Variants in MSI2 observed in about 807,000 individuals in gnomAD.
MSI2 encodes the protein RNA-binding protein Musashi homolog 2.
In MSI2, 17 loss-of-function variants were observed where a neutral mutation model predicts 45.6. That is an observed-to-expected ratio of 0.37 (90% CI 0.26 to 0.56). The LOEUF (loss-of-function observed/expected upper bound fraction) is 0.56, where lower values mean the gene tolerates loss of function less well. Among genes scored for constraint, MSI2 ranks in the 20% least tolerant of loss-of-function variants. MSI2 has a pLI of 0.77. For synonymous variants in MSI2, 156 were observed against 158.2 expected, an observed-to-expected ratio of 0.99 and a Z score of 0.11; for missense variants, 293 against 444.2, an observed-to-expected ratio of 0.66 and a Z score of 3.06.
chr17:57,632,476 C>T (rs912024897), intron 10 of MSI2: 28 of 1,065,982 alleles, frequency 2.6e-5, no homozygotes, highest in Non-Finnish European at 3.2e-5. Context: ...TGCCACATGA[C>T]AGGCACGGTG....
At position 57,280,204 on chromosome 17, in the gene MSI2, G is replaced by T. The variant is rs993901011; in HGVS notation, c.312+18012G>T. Among the ~76,000 whole-genome samples, 1 of 152,114 alleles carries T rather than the reference G, an allele frequency of 6.6e-6. No homozygotes were observed. Among genetic ancestry groups the T allele is most frequent in the African/African-American group, 2.4e-5 (1 of 41,414 alleles). ...GCGAGGTCACACTTGCGTTGGCGGGGATAAAAATTCTTATCTTAGGAGGGT... is the reference window on the plus strand; with the variant it reads ...GCGAGGTCACACTTGCGTTGGCGGGTATAAAAATTCTTATCTTAGGAGGGT... On this transcript the variant is annotated intron_variant, in intron 5 of 13. Transcript: ENST00000284073. The surrounding 1 kb of genome is among the most constrained non-coding windows in gnomAD (Gnocchi z 4.2).
chr17:57,442,042 T>C (rs1411898869), intron 6 of MSI2, among the ~76,000 whole-genome samples: 2 of 40,532 alleles, frequency 4.9e-5, no homozygotes, highest in Non-Finnish European at 8.5e-5. Context: ...ACACAGCTGA[T>C]TTTTTTTTTT....
At chr17:57,282,100 A>G (rs1053595331) in intron 5 of MSI2, among the ~76,000 whole-genome samples, 1 of 152,092 alleles carries the variant, frequency 6.6e-6, no homozygotes, top group African/African-American at 2.4e-5. Context: ...GTTTCAGACT[A>G]TGTTGGTGTA....
intron 6 of MSI2, among the ~76,000 whole-genome samples, chr17:57,460,692 G>A (rs2085209108): frequency 6.6e-6 from 1 of 152,132 alleles, no homozygotes; most frequent in African/African-American, 2.4e-5. Flanking sequence ...TAGGGTGGAG[G>A]TGGGCAGGGG....
chr17:57,670,981 C>T (rs1416521941), intron 11 of MSI2, among the ~76,000 whole-genome samples: 1 of 152,114 alleles, frequency 6.6e-6, no homozygotes, highest in Non-Finnish European at 1.5e-5. Flanking sequence ...CCCAAGGCAC[C>T]TGACTGTAAG....
At chr17:57,639,504 C>T (rs542165186) in intron 10 of MSI2, among the ~76,000 whole-genome samples, 23 of 152,382 alleles carry the variant, frequency 1.5e-4, no homozygotes, top group South Asian at 1.0e-3. Context: ...GCTGACCCCA[C>T]CTGTGCCATA....
intron 10 of MSI2, among the ~76,000 whole-genome samples, chr17:57,641,376 C>T (rs78116954): frequency 0.022 from 3,349 of 152,034 alleles, 66 homozygotes; most frequent in Non-Finnish European, 0.028. Flanking sequence ...CCTGCTGTGG[C>T]GGATTCATTG....
chr17:57,511,891 T>C (rs2086363674), intron 6 of MSI2, among the ~76,000 whole-genome samples: 1 of 152,224 alleles, frequency 6.6e-6, no homozygotes, highest in Non-Finnish European at 1.5e-5. Context: ...CTGTGCTTTC[T>C]GCAGTTTCCC....
chr17:57,451,337 C>A (rs2085015533), intron 6 of MSI2, among the ~76,000 whole-genome samples: 1 of 152,182 alleles, frequency 6.6e-6, no homozygotes, highest in Non-Finnish European at 1.5e-5. Flanking sequence ...CCACCCCCTC[C>A]TTTGTCCTGA....
At chr17:57,261,575 A>T (rs1907312089) in intron 4 of MSI2, among the ~76,000 whole-genome samples, 1 of 152,160 alleles carries the variant, frequency 6.6e-6, no homozygotes, top group Admixed American at 6.5e-5. Context: ...TACTTTTGCT[A>T]AAATGAATTA....
At chr17:57,620,124 C>T (rs969363404) in intron 9 of MSI2, among the ~76,000 whole-genome samples, 3 of 152,162 alleles carry the variant, frequency 2.0e-5, no homozygotes, top group Non-Finnish European at 1.5e-5. Flanking sequence ...CAAGGGAGGC[C>T]GTGTGGTCCA....
At chr17:57,478,953 C>T (rs1447284647) in intron 6 of MSI2, among the ~76,000 whole-genome samples, 1 of 152,120 alleles carries the variant, frequency 6.6e-6, no homozygotes, top group African/African-American at 2.4e-5. Context: ...TGTGCTAATG[C>T]CTTCCTATGC....
intron 6 of MSI2, among the ~76,000 whole-genome samples, chr17:57,443,729 A>T (rs2084844595): frequency 6.6e-6 from 1 of 152,118 alleles, no homozygotes; most frequent in African/African-American, 2.4e-5. Context: ...GTCACTCACT[A>T]GCTGTGTCCT....
chr17:57,599,037 A>C (rs887525923), intron 8 of MSI2, among the ~76,000 whole-genome samples: 3 of 152,242 alleles, frequency 2.0e-5, no homozygotes, highest in Admixed American at 6.5e-5. Context: ...TGCCTTGTTT[A>C]TCCTAGCCAG....
downstream of MSI2, among the ~76,000 whole-genome samples, chr17:57,686,836 G>C (rs1598527047): frequency 6.6e-6 from 1 of 152,276 alleles, no homozygotes; most frequent in East Asian, 1.9e-4. Flanking sequence ...CTTAGAACTA[G>C]ATGTATTTAA....
chr17:57,416,835 G>C (rs774391103), intron 6 of MSI2, among the ~76,000 whole-genome samples: 1 of 152,200 alleles, frequency 6.6e-6, no homozygotes, highest in African/African-American at 2.4e-5. Context: ...GAGGAAGAAG[G>C]TCTCTTATCA....
At chr17:57,297,819 G>A (rs1339899952) in intron 5 of MSI2, among the ~76,000 whole-genome samples, 4 of 152,240 alleles carry the variant, frequency 2.6e-5, no homozygotes, top group East Asian at 1.9e-4. Flanking sequence ...AGTAGATTCC[G>A]TCTGAAGAAA....
At chr17:57,436,888 C>A (rs1038409337) in intron 6 of MSI2, among the ~76,000 whole-genome samples, 2 of 152,168 alleles carry the variant, frequency 1.3e-5, no homozygotes, top group Admixed American at 1.3e-4. Flanking sequence ...ATTTTCCCCA[C>A]CCTTCCTGTC....
chr17:57,410,228 C>T (rs2084169970), intron 6 of MSI2, among the ~76,000 whole-genome samples: 1 of 152,102 alleles, frequency 6.6e-6, no homozygotes, highest in African/African-American at 2.4e-5. Flanking sequence ...AGTCAAGACA[C>T]TTGGCCTGAC....
Sources: gnomAD v4.1 joint callset for allele counts (sites outside exome capture counted in the v4.1 genomes callset) on GRCh38, gnomAD v4.1.1 for gene constraint, Gnocchi (gnomAD v3.1) non-coding constraint, MANE v1.5 for transcripts, NCBI Gene and HGNC (gene_info 2026-07-23, HGNC 2026-07-21) for gene names.